Variants in GREB1L observed in about 807,000 individuals in gnomAD.
GREB1L encodes GREB1-like protein.
A neutral mutation model predicts 200.8 loss-of-function variants in GREB1L; 17 were observed. The ratio of observed to expected loss-of-function variants is 0.08; its 90% CI spans 0.06 to 0.13. GREB1L has a LOEUF of 0.13. GREB1L is among the 10% of genes least tolerant of loss of function. The pLI is 1.00. For missense variants in GREB1L, 1,657 were observed against 2,367.7 expected, an observed-to-expected ratio of 0.70 and a Z score of 6.23; for synonymous variants, 789 against 893.0, an observed-to-expected ratio of 0.88 and a Z score of 2.08.
At chr18:21,279,924 T>C (rs1171437396) in intron 1 of GREB1L, among the ~76,000 whole-genome samples, 1 of 152,226 alleles carries the variant, frequency 6.6e-6, no homozygotes, top group African/African-American at 2.4e-5. Context: ...AAGCAGAAAG[T>C]ACAGAGGCTC....
intron 2 of GREB1L, among the ~76,000 whole-genome samples, chr18:21,382,149 A>G (rs2040342531): frequency 6.6e-6 from 1 of 152,170 alleles, no homozygotes; most frequent in Non-Finnish European, 1.5e-5. Flanking sequence ...GTTTGAGACC[A>G]GCCTGGCCAA....
At chr18:21,501,384 G>A (rs907653214) in intron 23 of GREB1L, among the ~76,000 whole-genome samples, 1 of 151,910 alleles carries the variant, frequency 6.6e-6, no homozygotes, top group African/African-American at 2.4e-5. Context: ...GCATGCATTA[G>A]GTATTTGTCC....
chr18:21,332,123 G>C (rs1433926340), intron 1 of GREB1L, among the ~76,000 whole-genome samples: 2 of 152,186 alleles, frequency 1.3e-5, no homozygotes, highest in East Asian at 3.8e-4. Context: ...AAATTCATTA[G>C]TTAATACTCT....
Position 21,499,782 on chromosome 18 carries a change from A to G in GREB1L, c.3445A>G (p.Lys1149Glu), listed in dbSNP as rs934083104. ...SSSSTADKSQ[K>E]QSLTPSFQSP... ...TTCCAGCACAGCTGACAAGTCCCAG[A>G]AGCAGTCCCTGACCCCCAGCTTTCA... Residue 1149 changes from lysine (K) to glutamate (E), a missense_variant, in exon 22 of 33, where the codon AAG (lysine) becomes GAG (glutamate). This residue lies in a region of GREB1L where 512 missense variants were observed against 668.3 expected (regional missense o/e 0.77). Coordinates refer to ENST00000424526, the MANE Select transcript of GREB1L (RefSeq NM_001142966.3). 23 of 1,551,936 alleles carry G rather than the reference A, an allele frequency of 1.5e-5. No homozygotes were observed. The highest frequency in any genetic ancestry group is 9.8e-5 in the Admixed American group (5 of 50,982).
At chr18:21,416,280 C>G (rs529448639) in intron 7 of GREB1L, among the ~76,000 whole-genome samples, 62 of 152,120 alleles carry the variant, frequency 4.1e-4, no homozygotes, top group Non-Finnish European at 7.8e-4. Flanking sequence ...AAACGAACAT[C>G]AGTGAGCTGT....
At chr18:21,488,975 A>C (rs1224454757) in intron 18 of GREB1L, among the ~76,000 whole-genome samples, 1 of 152,084 alleles carries the variant, frequency 6.6e-6, no homozygotes, top group Non-Finnish European at 1.5e-5. Flanking sequence ...TTTTTAAAAA[A>C]TTTTATTTTT....
chr18:21,494,389 GCTTTTCTTTATTGAGC>G (rs1338613444), intron 19 of GREB1L, among the ~76,000 whole-genome samples: 3 of 152,182 alleles, frequency 2.0e-5, no homozygotes, highest in South Asian at 4.1e-4. Flanking sequence ...CTAAAGACTG[GCTTTTCTTTATTGAGC>G]CTTTTCTTTA....
chr18:21,471,957 A>G (rs2035502209), intron 15 of GREB1L, among the ~76,000 whole-genome samples: 1 of 152,178 alleles, frequency 6.6e-6, no homozygotes, highest in South Asian at 2.1e-4. Context: ...GTACCTGCCA[A>G]ATTAAATGTT....
At chr18:21,480,148 C>T (rs1465499365) in intron 17 of GREB1L, among the ~76,000 whole-genome samples, 13 of 152,136 alleles carry the variant, frequency 8.5e-5, no homozygotes, top group Admixed American at 7.2e-4. Context: ...GTCGGGAGTT[C>T]GAGACCAACC....
chr18:21,353,224 A>G lies in GREB1L; in HGVS notation c.-119-12803A>G, dbSNP rs75785594. Among the ~76,000 whole-genome samples the G allele has an allele frequency of 8.0e-3, 1,224 of 152,126 alleles. 5 individuals are homozygous for G. The highest frequency in any genetic ancestry group is 0.013 in the Non-Finnish European group (882 of 67,994). On this transcript the variant is annotated intron_variant, in intron 1 of 32. Transcript: ENST00000424526. ...AAAGAAATGGGACCATATTGCTTTT[A>G]TAACATATTTTCCATTTAATGTATT...
intron 7 of GREB1L, among the ~76,000 whole-genome samples, chr18:21,409,500 A>G (rs2030700406): frequency 6.6e-6 from 1 of 152,220 alleles, no homozygotes; most frequent in South Asian, 2.1e-4. Flanking sequence ...TGAATTGTAT[A>G]GTTGAAATGG....
chr18:21,483,308 A>G (rs1470755379), intron 17 of GREB1L, among the ~76,000 whole-genome samples: 2 of 152,240 alleles, frequency 1.3e-5, no homozygotes, highest in Non-Finnish European at 2.9e-5. Context: ...CCAAGTACAC[A>G]CTTCATAAAG....
rs1479967649 is a variant in GREB1L, at chr18:21,268,572, T to C, written c.-120+26179T>C. ...ACACACACACACACATATATATATA[T>C]ATATATATATATATATATATACATG... On this transcript the variant is annotated intron_variant, in intron 1 of 32. Coordinates refer to ENST00000424526, the MANE Select transcript of GREB1L (RefSeq NM_001142966.3). Among the ~76,000 whole-genome samples the C allele has an allele frequency of 8.0e-3, 900 of 113,000 alleles. 2 individuals are homozygous for C. The highest frequency in any genetic ancestry group is 0.011 in the Non-Finnish European group (655 of 60,296). The allele number at this position is 113,000 out of a possible 152,430, so 74.1% of individuals were successfully genotyped here.
chr18:21,512,339 G>A (rs2037271679), intron 27 of GREB1L, among the ~76,000 whole-genome samples: 1 of 152,110 alleles, frequency 6.6e-6, no homozygotes. Context: ...CCATTTATTG[G>A]TGTCTTCCTT....
At chr18:21,350,792 T>C (rs1229870538) in intron 1 of GREB1L, among the ~76,000 whole-genome samples, 3 of 151,992 alleles carry the variant, frequency 2.0e-5, no homozygotes, top group Non-Finnish European at 4.4e-5. Context: ...CTATAAGAAG[T>C]GGGGAAAAGA....
intron 1 of GREB1L, among the ~76,000 whole-genome samples, chr18:21,282,144 C>G (rs1332365959): frequency 1.3e-5 from 2 of 152,032 alleles, no homozygotes; most frequent in East Asian, 3.9e-4. Context: ...GGGGTGGTGG[C>G]ATGTGCCTGT....
intron 1 of GREB1L, among the ~76,000 whole-genome samples, chr18:21,288,501 C>A (rs1193585714): frequency 6.6e-6 from 1 of 152,124 alleles, no homozygotes; most frequent in Admixed American, 6.5e-5. Flanking sequence ...TTTCTTTCAA[C>A]AGTAAATAAA....
At chr18:21,454,935 T>C in intron 15 of GREB1L, 1 of 305,880 alleles carries the variant, frequency 3.3e-6, no homozygotes, top group Admixed American at 4.8e-5. Context: ...CTCATTTGCA[T>C]AGGTGGATTC....
At chr18:21,424,190 A>G (rs945700730) in intron 7 of GREB1L, among the ~76,000 whole-genome samples, 1 of 152,170 alleles carries the variant, frequency 6.6e-6, no homozygotes, top group Non-Finnish European at 1.5e-5. Flanking sequence ...GCCTCTGTTG[A>G]CAGTAATGCA....
Sources: allele counts gnomAD v4.1 joint callset (sites outside exome capture counted in the v4.1 genomes callset), GRCh38; gene constraint gnomAD v4.1.1; regional missense constraint gnomAD v4.1.1; transcripts MANE v1.5; gene names NCBI Gene and HGNC (gene_info 2026-07-23, HGNC 2026-07-21).